Variants in ANKRD17 observed in about 807,000 individuals in gnomAD.
ANKRD17 encodes the protein ankyrin repeat domain-containing protein 17.
A neutral mutation model predicts 229.7 loss-of-function variants in ANKRD17; 19 were observed. The observed-to-expected ratio is 0.08, with a 90% confidence interval of 0.06 to 0.12. The LOEUF is 0.12. Among genes scored for constraint, ANKRD17 ranks in the 10% least tolerant of loss-of-function variants. The pLI is 1.00. For missense variants in ANKRD17, 2,176 were observed against 3,176.8 expected (o/e 0.68, Z 7.57); for synonymous variants, 1,112 against 1,146.1 (o/e 0.97, Z 0.60).
At chr4:73,116,292 TA>T (rs1279299776) in intron 22 of ANKRD17, among the ~76,000 whole-genome samples, 3 of 152,108 alleles carry the variant, frequency 2.0e-5, no homozygotes, top group Non-Finnish European at 2.9e-5. Flanking sequence ...TTCTAAGGAT[TA>T]AAAGGGCAAA....
intron 29 of ANKRD17, among the ~76,000 whole-genome samples, chr4:73,089,164 A>G (rs1488585616): frequency 6.6e-6 from 1 of 151,680 alleles, no homozygotes; most frequent in Non-Finnish European, 1.5e-5. Context: ...CAGCCCCCCA[A>G]GTAGCTGGGA....
At chr4:73,243,176 GAAC>G (rs200674461) in intron 1 of ANKRD17, among the ~76,000 whole-genome samples, 1,837 of 152,292 alleles carry the variant, frequency 0.012, 39 homozygotes, top group African/African-American at 0.041. Flanking sequence ...AGAAGGGCTG[GAAC>G]AACAAGGAGC....
chr4:73,140,430 A>C, intron 14 of ANKRD17, 147 bp from the exon 15 acceptor site: 1 of 735,938 alleles, frequency 1.4e-6, no homozygotes, highest in Non-Finnish European at 1.9e-6. Flanking sequence ...ATTAAAAACA[A>C]ATCCACCTTC....
chr4:73,195,618 C>T (rs1269837809), intron 1 of ANKRD17, among the ~76,000 whole-genome samples: 1 of 151,996 alleles, frequency 6.6e-6, no homozygotes, highest in Non-Finnish European at 1.5e-5. Context: ...AAGCTATTCT[C>T]CTGCTTCAGC....
chr4:73,077,966 G>A (rs187939060), intron 31 of ANKRD17, among the ~76,000 whole-genome samples: 431 of 152,306 alleles, frequency 2.8e-3, no homozygotes, highest in Non-Finnish European at 4.9e-3. Flanking sequence ...AAATGACTAC[G>A]AGGCTGGGCG....
intron 19 of ANKRD17, 95 bp downstream of exon 19, chr4:73,121,522 G>T (rs993335690): frequency 1.4e-6 from 2 of 1,416,408 alleles, no homozygotes; most frequent in South Asian, 2.4e-5. Flanking sequence ...GTAATAAAGG[G>T]ATTTACTAAA....
At chr4:73,119,322 C>A (rs1351690766) in intron 21 of ANKRD17, among the ~76,000 whole-genome samples, 1 of 152,160 alleles carries the variant, frequency 6.6e-6, no homozygotes, top group East Asian at 1.9e-4. Context: ...TTATACTACA[C>A]AAACAATATC....
chr4:73,191,335 A>ATGTGTG (rs1491423447), intron 1 of ANKRD17, among the ~76,000 whole-genome samples: 4 of 88,682 alleles, frequency 4.5e-5, no homozygotes, highest in African/African-American at 1.7e-4. Context: ...CTACCAAAAA[A>ATGTGTG]TATATATGTG....
chr4:73,083,784 GCAGGCTACAATTTA>G (rs748550382), intron 30 of ANKRD17, among the ~76,000 whole-genome samples: 3 of 151,992 alleles, frequency 2.0e-5, no homozygotes, highest in Admixed American at 6.6e-5. Context: ...TAAATTCATT[GCAGGCTACAATTTA>G]CCTCATGCTT....
intron 3 of ANKRD17, among the ~76,000 whole-genome samples, chr4:73,157,221 C>A (rs1344443967): frequency 2.0e-5 from 3 of 152,012 alleles, no homozygotes; most frequent in African/African-American, 7.3e-5. Flanking sequence ...CTATGTGAGT[C>A]CTTCCATCAA....
chr4:73,227,812 A>T (rs543753124), intron 1 of ANKRD17, among the ~76,000 whole-genome samples: 39 of 152,292 alleles, frequency 2.6e-4, no homozygotes, highest in Admixed American at 3.9e-4. Flanking sequence ...AAAACAAAAA[A>T]ATATGTAGAA....
At chr4:73,222,940 T>C in intron 1 of ANKRD17, 1 of 1,464,698 alleles carries the variant, frequency 6.8e-7, no homozygotes, top group Non-Finnish European at 9.2e-7. Flanking sequence ...TGTTCAGATT[T>C]CAACTTTCAT....
intron 28 of ANKRD17, 54 bp downstream of exon 28, chr4:73,094,025 T>C (rs1723050861): frequency 6.5e-7 from 1 of 1,548,800 alleles, no homozygotes; most frequent in Non-Finnish European, 8.8e-7. Context: ...CTGTATTTCA[T>C]TAAGCTATAG....
intron 10 of ANKRD17, among the ~76,000 whole-genome samples, 157 bp from the exon 11 acceptor site, chr4:73,144,989 A>T (rs931573203): frequency 6.6e-6 from 1 of 152,128 alleles, no homozygotes; most frequent in African/African-American, 2.4e-5. Context: ...TTTTAAATTT[A>T]AAAAAAATCT....
intron 29 of ANKRD17, 132 bp downstream of exon 29, chr4:73,090,535 C>T (rs1229805008): frequency 2.7e-6 from 3 of 1,098,714 alleles, no homozygotes; most frequent in African/African-American, 3.2e-5. Context: ...CAAACAACAG[C>T]ATCTGAGTTA....
At chr4:73,203,631 G>C (rs966634356) in intron 1 of ANKRD17, among the ~76,000 whole-genome samples, 2 of 151,936 alleles carry the variant, frequency 1.3e-5, no homozygotes, top group Admixed American at 1.3e-4. Context: ...GGTGGCTGAT[G>C]CCTGTAGTCC....
chr4:73,245,531 T>C (rs1744418826), intron 1 of ANKRD17, among the ~76,000 whole-genome samples: 1 of 152,206 alleles, frequency 6.6e-6, no homozygotes, highest in Non-Finnish European at 1.5e-5. Context: ...CCTAAGCCCA[T>C]GGATTCCACC....
chr4:73,223,543 G>T (rs1742131204), intron 1 of ANKRD17, among the ~76,000 whole-genome samples: 1 of 152,058 alleles, frequency 6.6e-6, no homozygotes, highest in African/African-American at 2.4e-5. Context: ...TGACTTCAGG[G>T]TTTCAAAAAT....
chr4:73,146,360 ACT>A (rs1165825818), intron 10 of ANKRD17, among the ~76,000 whole-genome samples: 1 of 151,938 alleles, frequency 6.6e-6, no homozygotes, highest in East Asian at 1.9e-4. Flanking sequence ...TATGTTTTAA[ACT>A]CTTTTATTAT....
Sources: allele counts gnomAD v4.1 joint callset (sites outside exome capture counted in the v4.1 genomes callset), GRCh38; gene constraint gnomAD v4.1.1; transcripts MANE v1.5; gene names NCBI Gene and HGNC (gene_info 2026-07-23, HGNC 2026-07-21).